STS: variants seen among roughly 807,000 people sequenced by gnomAD.
STS encodes steroid sulfatase.
STS carries 7 observed loss-of-function variants against 26.8 expected under a neutral mutation model. That is an observed-to-expected ratio of 0.26 (90% CI 0.15 to 0.49). The LOEUF (loss-of-function observed/expected upper bound fraction) is 0.49. Ranked by LOEUF, STS falls within the 20% of genes least tolerant of loss-of-function variation. The pLI is 0.98. For missense variants in STS, 434 were observed against 465.6 expected (o/e 0.93, Z 0.63); for synonymous variants, 199 against 189.4 (o/e 1.05, Z -0.42).
intron 2 of STS, among the ~76,000 whole-genome samples, chrX:7,224,854 T>C (rs1315595131): frequency 8.9e-6 from 1 of 112,522 alleles, no homozygotes; most frequent in Non-Finnish European, 1.9e-5. Flanking sequence ...GGTTGATGTT[T>C]CCTACTTGGT....
chrX:7,167,855 T>C (rs1933383521), intron 1 of STS, among the ~76,000 whole-genome samples: 1 of 104,922 alleles, frequency 9.5e-6, no homozygotes, highest in Admixed American at 1.0e-4. Flanking sequence ...GCCTGGCTAA[T>C]TTTTTTTTTT....
At chrX:7,171,467 C>T (rs1265830035) in intron 1 of STS, among the ~76,000 whole-genome samples, 3 of 111,694 alleles carry the variant, frequency 2.7e-5, no homozygotes, top group Non-Finnish European at 5.6e-5. Context: ...GGCCAATCAG[C>T]TTCTGCATAT....
intron 8 of STS, among the ~76,000 whole-genome samples, 191 bp from the exon 9 acceptor site, chrX:7,325,148 G>T (rs1011785427): frequency 2.7e-5 from 3 of 111,588 alleles, no homozygotes; most frequent in Non-Finnish European, 5.6e-5. Flanking sequence ...CACATATGGT[G>T]GTGACTGTAT....
At chrX:7,249,049 A>G (rs1923019377) in intron 2 of STS, among the ~76,000 whole-genome samples, 1 of 110,801 alleles carries the variant, frequency 9.0e-6, no homozygotes, top group South Asian at 3.8e-4. Flanking sequence ...GACCTAAGGT[A>G]GGAGCCCCAC....
chrX:7,223,519 CAT>C (rs1921666715), intron 2 of STS, among the ~76,000 whole-genome samples: 1 of 111,536 alleles, frequency 9.0e-6, no homozygotes, highest in Non-Finnish European at 1.9e-5. Flanking sequence ...TTTTTGTTTT[CAT>C]ATGTTTGTTG....
Position 7,325,516 on chromosome X carries a change from T to C in STS, c.1241+18T>C, listed in dbSNP as rs768365518. The stretch of plus-strand genomic sequence containing the variant: ...GAGGACAGGTACTCTGATGCCAGGG[T>C]GGTTGGTATTGTTGAGCTCTGATTT... On this transcript the variant is annotated intron_variant, in intron 9 of 10. Coordinates refer to ENST00000674429, the MANE Select transcript of STS (RefSeq NM_001320752.2). 21 of 1,208,425 alleles carry C rather than the reference T, an allele frequency of 1.7e-5. No homozygotes were observed. The South Asian group carries it at 3.7e-4, about 21-fold the overall frequency.
intron 2 of STS, among the ~76,000 whole-genome samples, chrX:7,229,341 T>A (rs1409600877): frequency 8.1e-5 from 9 of 111,687 alleles, no homozygotes; most frequent in Non-Finnish European, 1.3e-4. Context: ...ACTTTCCCTT[T>A]AGCAGAGCTT....
chrX:7,348,460 TC>T (rs1358056632), intron 10 of STS, among the ~76,000 whole-genome samples: 2 of 112,094 alleles, frequency 1.8e-5, no homozygotes, highest in Non-Finnish European at 3.8e-5. Context: ...GTAAGGGCAT[TC>T]ACGTTCTGCA....
At chrX:7,256,736 G>A (rs1923427373) in intron 3 of STS, among the ~76,000 whole-genome samples, 1 of 111,637 alleles carries the variant, frequency 9.0e-6, no homozygotes, top group Non-Finnish European at 1.9e-5. Context: ...GGGACCAGGA[G>A]CTCAGAGCCC....
chrX:7,205,053 G>C (rs892711801), intron 2 of STS, among the ~76,000 whole-genome samples: 1 of 111,816 alleles, frequency 8.9e-6, no homozygotes, highest in Non-Finnish European at 1.9e-5. Flanking sequence ...ACACACACTG[G>C]TGGGCTTGGG....
At chrX:7,320,438 T>C (rs2147157061) in intron 8 of STS, among the ~76,000 whole-genome samples, 1 of 111,125 alleles carries the variant, frequency 9.0e-6, no homozygotes, top group East Asian at 2.8e-4. Context: ...TTTAATAGTT[T>C]GGTTTTTGTT....
chrX:7,311,751 A>G (rs1183207071), intron 8 of STS, among the ~76,000 whole-genome samples: 5 of 112,083 alleles, frequency 4.5e-5, no homozygotes, highest in Non-Finnish European at 5.6e-5. Context: ...TGAGGAGGCT[A>G]GGGTGGGAGG....
Position 7,259,424 on chromosome X carries a change from A to G in STS, c.458A>G (p.Tyr153Cys). The change falls in exon 6 of 11, where the codon TAT becomes TGT. Residue 153 changes from tyrosine (Y) to cysteine (C), a missense_variant. Tyr to Cys is a radical substitution (Grantham distance 194). Around this residue, in one of 2 missense-constraint regions of STS, gnomAD observed 229 missense variants for 288.3 expected, o/e 0.79. Coordinates refer to ENST00000674429, the MANE Select transcript of STS (RefSeq NM_001320752.2). ...CACCCTTTACATCACGGCTTCAATT[A>G]TTTCTATGGGATCTCTTTGACCAAT... Reference protein sequence around the residue: ...CHHPLHHGFNYFYGISLTNLR... With the variant: ...CHHPLHHGFNCFYGISLTNLR... 8.3e-7 allele frequency: 1 copy of G among 1,210,977 alleles called. No individual in the cohort carries two copies. The highest frequency in any genetic ancestry group is 1.1e-6 in the Non-Finnish European group (1 of 895,222).
In STS at chrX:7,350,042, G is replaced by A; in HGVS notation, c.1518G>A (p.Glu506=). The A allele has an allele frequency of 8.3e-7, 1 of 1,211,908 alleles. No homozygotes were observed. Among genetic ancestry groups the A allele is most frequent in the Non-Finnish European group, 1.1e-6 (1 of 895,497 alleles). Residue 506 remains glutamate (E), a synonymous_variant, in exon 11 of 11, where the codon GAG becomes GAA. Transcript: ENST00000674429. The part of the protein sequence containing the change: ...LLFDISKDPR[E]RNPLTPASEP... The stretch of plus-strand genomic sequence containing the variant: ...TTGATATTTCCAAAGATCCCAGAGA[G>A]AGAAACCCACTAACTCCAGCATCCG...
Position 7,253,254 on chromosome X carries a change from G to A in STS, c.55G>A (p.Ala19Thr), listed in dbSNP as rs768631044. 1.2e-5 allele frequency: 15 copies of A among 1,209,540 alleles called. No homozygotes were observed. Among genetic ancestry groups the A allele is most frequent in the Admixed American group, 2.2e-5 (1 of 45,710 alleles). The change falls in exon 3 of 11, where the codon GCA becomes ACA. Residue 19 changes from alanine (A) to threonine (T), a missense_variant. Physicochemically the swap from Ala to Thr is moderately conservative, Grantham distance 58. This residue lies in a region of STS where 229 missense variants were observed against 288.3 expected (regional missense o/e 0.79). Transcript: ENST00000674429. ...TCTGTGGGAAGCCGAGAGCCACGCA[G>A]CATCAAGGCCGAACATCATCCTGGT... ...FFLWEAESHA[A>T]SRPNIILVMA...
chrX:7,341,189 T>C (rs1192265258), intron 10 of STS, among the ~76,000 whole-genome samples: 2 of 111,974 alleles, frequency 1.8e-5, no homozygotes, highest in Non-Finnish European at 3.8e-5. Context: ...CATTTGCTTT[T>C]GAGTCTGTCT....
At chrX:7,195,462 C>A (rs1933956744) in intron 2 of STS, among the ~76,000 whole-genome samples, 1 of 112,311 alleles carries the variant, frequency 8.9e-6, no homozygotes, top group Non-Finnish European at 1.9e-5. Context: ...GCAAGAGCGA[C>A]AAAGCCTGTC....
intron 2 of STS, among the ~76,000 whole-genome samples, chrX:7,250,600 T>A (rs369483563): frequency 9.0e-6 from 1 of 110,965 alleles, no homozygotes; most frequent in Non-Finnish European, 1.9e-5. Flanking sequence ...ATTTAGCATT[T>A]AGCAGATTAA....
chrX:7,321,416 CT>C (rs1446172861), intron 8 of STS, among the ~76,000 whole-genome samples: 64 of 111,910 alleles, frequency 5.7e-4, no homozygotes, highest in African/African-American at 2.0e-3. Flanking sequence ...ACATGTACCC[CT>C]GAACCTAAAA....
Sources: gnomAD v4.1 joint callset for allele counts (sites outside exome capture counted in the v4.1 genomes callset) on GRCh38, gnomAD v4.1.1 for gene constraint, gnomAD v4.1.1 regional missense constraint, MANE v1.5 for transcripts, NCBI Gene and HGNC (gene_info 2026-07-23, HGNC 2026-07-21) for gene names.